HERC3: variants seen among roughly 807,000 people sequenced by gnomAD.
HERC3 encodes the protein HECT and RLD domain containing E3 ubiquitin protein ligase 3, also known as probable E3 ubiquitin-protein ligase HERC3.
HERC3 carries 58 observed loss-of-function variants against 129.9 expected under a neutral mutation model. The observed-to-expected ratio is 0.45, with a 90% CI of 0.36 to 0.56. The LOEUF (loss-of-function observed/expected upper bound fraction) is 0.56. HERC3 is among the 20% of genes least tolerant of loss of function. The pLI, the probability that HERC3 is intolerant of heterozygous loss-of-function variation, is 0.00. For missense variants in HERC3, 835 were observed against 1,244.2 expected, an observed-to-expected ratio of 0.67 and a Z score of 4.95; for synonymous variants, 430 against 451.0, an observed-to-expected ratio of 0.95 and a Z score of 0.59.
chr4:88,667,123 A>G (rs1163287127), intron 12 of HERC3, among the ~76,000 whole-genome samples: 1 of 152,216 alleles, frequency 6.6e-6, no homozygotes, highest in African/African-American at 2.4e-5. Flanking sequence ...GACTTGAAGG[A>G]AAACAGATTT....
At position 88,664,185 on chromosome 4, in the gene HERC3, G is replaced by C. The variant is rs1434799504; in HGVS notation, c.1304G>C (p.Cys435Ser). The C allele has an allele frequency of 6.2e-7, 1 of 1,613,218 alleles. No individual in the cohort carries two copies. Among genetic ancestry groups the C allele is most frequent in the Non-Finnish European group, 8.5e-7 (1 of 1,179,532 alleles). Residue 435 changes from cysteine to serine, a missense_variant, in exon 12 of 26, where the codon TGT becomes TCT. By Grantham distance (112) the Cys-to-Ser change is moderately radical. Coordinates refer to ENST00000402738, the MANE Select transcript of HERC3 (RefSeq NM_014606.3). The stretch of plus-strand genomic sequence containing the variant: ...GTTCAGATATTATCTTCTGCAGCCT[G>C]TTGGAATGGAAGTTTTCTTGAAAAA... ...GVVQILSSAA[C>S]WNGSFLEKKI... is the part of the protein sequence containing the mutation.
intron 16 of HERC3, among the ~76,000 whole-genome samples, chr4:88,675,772 T>G (rs1560750182): frequency 6.6e-6 from 1 of 151,812 alleles, no homozygotes; most frequent in African/African-American, 2.4e-5. Flanking sequence ...TTCCAAATAC[T>G]TGGTTTCTCC....
chr4:88,686,146 TA>T (rs559429282), intron 21 of HERC3, among the ~76,000 whole-genome samples: 159 of 147,300 alleles, frequency 1.1e-3, no homozygotes, highest in African/African-American at 1.8e-3. Flanking sequence ...CTCCATCTCT[TA>T]AAAAAAAAAA....
the HERC3 span, among the ~76,000 whole-genome samples, chr4:88,552,533 A>C: frequency 6.6e-6 from 1 of 152,202 alleles, no homozygotes. Context: ...GGTTACAGGC[A>C]TGGGCCACCA....
the HERC3 span, among the ~76,000 whole-genome samples, chr4:88,526,603 C>T: frequency 3.9e-5 from 6 of 152,142 alleles, no homozygotes; most frequent in African/African-American, 1.2e-4. Context: ...GTGGTGCAGT[C>T]GTGACTCACT....
chr4:88,690,496 A>C (rs899377250), intron 23 of HERC3: 2 of 985,284 alleles, frequency 2.0e-6, no homozygotes, highest in African/African-American at 3.5e-5. Context: ...CATTTGTTAG[A>C]AGCTAACAAT....
At chr4:88,682,383 A>G (rs2149318416) in intron 21 of HERC3, among the ~76,000 whole-genome samples, 1 of 152,236 alleles carries the variant, frequency 6.6e-6, no homozygotes, top group East Asian at 1.9e-4. Context: ...CAGGTTAGTT[A>G]CATATGTATA....
chr4:88,676,570 T>C (rs1732184247), intron 18 of HERC3, 147 bp downstream of exon 18: 1 of 642,164 alleles, frequency 1.6e-6, no homozygotes, highest in African/African-American at 1.8e-5. Flanking sequence ...TCAGTAATTT[T>C]GTGTTGAATA....
the HERC3 span, among the ~76,000 whole-genome samples, chr4:88,558,560 T>G: frequency 6.6e-6 from 1 of 152,166 alleles, no homozygotes; most frequent in Admixed American, 6.5e-5. Flanking sequence ...TGTACGCTAT[T>G]TGGGTGATGG....
At chr4:88,555,500 T>C in the HERC3 span, among the ~76,000 whole-genome samples, 2 of 152,182 alleles carry the variant, frequency 1.3e-5, no homozygotes, top group Non-Finnish European at 2.9e-5. Context: ...AAGTGGCTCT[T>C]GGGTATGCTA....
the HERC3 span, among the ~76,000 whole-genome samples, chr4:88,571,044 C>T: frequency 7.2e-5 from 11 of 152,078 alleles, no homozygotes; most frequent in Non-Finnish European, 1.3e-4. Flanking sequence ...AGGTGTGAGC[C>T]ACCGTGCCCG....
intron 3 of HERC3, among the ~76,000 whole-genome samples, chr4:88,614,948 A>G (rs1253235279): frequency 6.6e-6 from 1 of 152,186 alleles, no homozygotes; most frequent in African/African-American, 2.4e-5. Context: ...TGTCAAAATA[A>G]GTGTCCTGCA....
In HERC3 at chr4:88,662,446, G is replaced by A. The variant is rs781700384; in HGVS notation, c.1162G>A (p.Val388Ile). 1 of 1,609,196 alleles carries A rather than the reference G, an allele frequency of 6.2e-7. No individual in the cohort carries two copies. Among genetic ancestry groups the A allele is most frequent in the African/African-American group, 1.3e-5 (1 of 74,720 alleles). ...AATTCTCCAGAATTATTCTCCTGCT[G>A]TTGACTTCAGGACTATGAACCAAGC... ...CSKYENYSPAVDFRTMNQAHY... is the reference protein window; with the variant it reads ...CSKYENYSPAIDFRTMNQAHY... The change falls in exon 11 of 26, where the codon GTT becomes ATT. Residue 388 changes from valine (V) to isoleucine (I), a missense_variant. Transcript: ENST00000402738.
chr4:88,617,273 G>T (rs2972025), intron 3 of HERC3, among the ~76,000 whole-genome samples: 15,151 of 150,898 alleles, frequency 0.1, 1,354 homozygotes, highest in East Asian at 0.29. Context: ...GGGAGTTGTT[G>T]GTACTGCTAG....
chr4:88,697,832 G>T (rs1225023826), intron 23 of HERC3: 1 of 1,500,356 alleles, frequency 6.7e-7, no homozygotes, highest in Non-Finnish European at 8.9e-7. Flanking sequence ...GAGATCTTGC[G>T]GATGCGGCAA....
the HERC3 span, among the ~76,000 whole-genome samples, chr4:88,549,264 A>C: frequency 6.6e-6 from 1 of 151,876 alleles, no homozygotes; most frequent in Non-Finnish European, 1.5e-5. Context: ...AATAACTTGC[A>C]TTATATTATA....
chr4:88,605,640 C>G (rs541919565), intron 2 of HERC3, among the ~76,000 whole-genome samples, 155 bp from the exon 3 acceptor site: 2 of 152,100 alleles, frequency 1.3e-5, no homozygotes, highest in African/African-American at 4.8e-5. Context: ...AACATAACTG[C>G]TTTCAACAGT....
At chr4:88,624,468 C>T (rs1725874304) in intron 3 of HERC3, among the ~76,000 whole-genome samples, 1 of 152,194 alleles carries the variant, frequency 6.6e-6, no homozygotes, top group Non-Finnish European at 1.5e-5. Context: ...TCCTTAATGA[C>T]TAATGAACTT....
At chr4:88,645,582 A>G (rs1728606609) in intron 3 of HERC3, among the ~76,000 whole-genome samples, 2 of 151,984 alleles carry the variant, frequency 1.3e-5, no homozygotes, top group South Asian at 4.2e-4. Context: ...ATAGTACCAA[A>G]TTCTATATAT....
Sources: gnomAD v4.1 joint callset for allele counts (sites outside exome capture counted in the v4.1 genomes callset) on GRCh38, gnomAD v4.1.1 for gene constraint, MANE v1.5 for transcripts, NCBI Gene and HGNC (gene_info 2026-07-23, HGNC 2026-07-21) for gene names.